The following ADK variants were observed in gnomAD, a reference collection of about 807,000 sequenced individuals.
ADK encodes the protein N6,N6-dimethyladenosine kinase.
A neutral mutation model predicts 44.7 loss-of-function variants in ADK; 24 were observed. That is an observed-to-expected ratio of 0.54 (90% CI 0.39 to 0.76). The LOEUF (loss-of-function observed/expected upper bound fraction) is 0.76. Among genes scored for constraint, ADK ranks in the 30% least tolerant of loss-of-function variants. The pLI, the probability that ADK is intolerant of heterozygous loss-of-function variation, is 0.00. For missense variants in ADK, 321 were observed against 425.1 expected (o/e 0.76, Z 2.15); for synonymous variants, 128 against 142.6 (o/e 0.90, Z 0.73).
intron 5 of ADK, 144 bp from the exon 6 acceptor site, chr10:74,398,327 T>A (rs1157500288): frequency 7.0e-6 from 3 of 426,564 alleles, no homozygotes; most frequent in African/African-American, 2.1e-5. Flanking sequence ...ATTATTTATA[T>A]TTATTTAAAA....
At chr10:74,178,804 A>G (rs1437214665) in intron 1 of ADK, among the ~76,000 whole-genome samples, 1 of 152,210 alleles carries the variant, frequency 6.6e-6, no homozygotes, top group Non-Finnish European at 1.5e-5. Flanking sequence ...ACATGGCTCG[A>G]GAAAGCTCTT....
intron 6 of ADK, among the ~76,000 whole-genome samples, chr10:74,503,919 T>C (rs1377704912): frequency 6.6e-6 from 1 of 152,168 alleles, no homozygotes; most frequent in Non-Finnish European, 1.5e-5. Context: ...TATAAAATCC[T>C]CTTACTTTGC....
rs1390456162 is a variant in ADK, at chr10:74,418,508, A to G, written c.555+19929A>G. ...GTGGCAGTCTGTTGCTAGGAAATCAAGGTCCTGAGGCGATTAATGACAAAG... is the reference window on the plus strand; with the variant it reads ...GTGGCAGTCTGTTGCTAGGAAATCAGGGTCCTGAGGCGATTAATGACAAAG... On this transcript the variant is annotated intron_variant, in intron 6 of 10. Coordinates refer to ENST00000539909, the MANE Select transcript of ADK (RefSeq NM_006721.4). Among the ~76,000 whole-genome samples the G allele has an allele frequency of 2.0e-5, 3 of 152,186 alleles. No homozygotes were observed. The East Asian group carries it at 5.8e-4, about 29-fold the overall frequency.
intron 7 of ADK, among the ~76,000 whole-genome samples, chr10:74,530,862 T>C (rs1849260762): frequency 6.6e-6 from 1 of 152,062 alleles, no homozygotes; most frequent in Non-Finnish European, 1.5e-5. Context: ...GAAGCAGAGG[T>C]TGCAGCGAGC....
chr10:74,695,057 A>G (rs1158391056), intron 10 of ADK, among the ~76,000 whole-genome samples: 2 of 152,084 alleles, frequency 1.3e-5, no homozygotes, highest in East Asian at 1.9e-4. Context: ...ATGAATTTGC[A>G]ATGGCAACTC....
intron 3 of ADK, among the ~76,000 whole-genome samples, chr10:74,248,914 A>T (rs986585922): frequency 5.9e-5 from 9 of 152,206 alleles, no homozygotes; most frequent in African/African-American, 1.9e-4. Context: ...AGAGAAAAGG[A>T]TGATAAACAT....
intron 9 of ADK, among the ~76,000 whole-genome samples, chr10:74,619,438 G>C (rs1023239783): frequency 2.7e-5 from 4 of 150,936 alleles, no homozygotes; most frequent in African/African-American, 7.3e-5. Context: ...CTGGGAGACA[G>C]AGCAAGTCTC....
At chr10:74,284,219 C>G (rs545688457) in intron 3 of ADK, among the ~76,000 whole-genome samples, 2 of 151,242 alleles carry the variant, frequency 1.3e-5, no homozygotes, top group Non-Finnish European at 2.9e-5. Flanking sequence ...CTTGGCCTCC[C>G]AAAGTGCTAG....
intron 9 of ADK, among the ~76,000 whole-genome samples, chr10:74,626,960 C>T (rs1223676415): frequency 6.6e-6 from 1 of 152,070 alleles, no homozygotes; most frequent in East Asian, 1.9e-4. Context: ...TTTTCTGTTT[C>T]TTGTAGTAAG....
intron 7 of ADK, among the ~76,000 whole-genome samples, chr10:74,529,662 G>T (rs1208818455): frequency 6.6e-6 from 1 of 152,020 alleles, no homozygotes; most frequent in Admixed American, 6.6e-5. Flanking sequence ...CTGCTACGTG[G>T]CTGTAAGTCA....
chr10:74,166,191 C>T (rs933088608), intron 1 of ADK, among the ~76,000 whole-genome samples: 6 of 152,226 alleles, frequency 3.9e-5, no homozygotes, highest in African/African-American at 9.7e-5. Flanking sequence ...CTGCCCGCCT[C>T]GGCCTCCCAA....
intron 6 of ADK, among the ~76,000 whole-genome samples, chr10:74,499,861 A>T (rs1278273062): frequency 6.6e-6 from 1 of 152,052 alleles, no homozygotes; most frequent in Non-Finnish European, 1.5e-5. Context: ...GTTTTCTCTG[A>T]TCATTTTTTT....
intron 3 of ADK, among the ~76,000 whole-genome samples, chr10:74,251,612 A>C (rs528956408): frequency 1.4e-4 from 22 of 152,334 alleles, no homozygotes; most frequent in Middle Eastern, 3.4e-3. Flanking sequence ...AGAAAAGGGA[A>C]GATAACTTGA....
At position 74,455,179 on chromosome 10, in the gene ADK, C is replaced by T. The variant is rs528399289; in HGVS notation, c.555+56600C>T. On this transcript the variant is annotated intron_variant, in intron 6 of 10. Transcript: ENST00000539909. Reference sequence around the variant, plus strand: ...TAAATTGTATGGAACAGTGCATGAACCACAATAAACACTCACAAAATGTTT... The same window carrying T: ...TAAATTGTATGGAACAGTGCATGAATCACAATAAACACTCACAAAATGTTT... Among the ~76,000 whole-genome samples, 4 of 152,016 alleles carry T rather than the reference C, an allele frequency of 2.6e-5. No homozygotes were observed. In the East Asian group the frequency reaches 7.7e-4, roughly 29 times the overall value.
intron 2 of ADK, among the ~76,000 whole-genome samples, chr10:74,215,464 C>A (rs1285451636): frequency 6.6e-6 from 1 of 151,524 alleles, no homozygotes; most frequent in African/African-American, 2.4e-5. Context: ...GCGCCTGCCA[C>A]CACGCCTGGC....
chr10:74,632,405 A>T (rs925154379), intron 9 of ADK, among the ~76,000 whole-genome samples: 9 of 152,314 alleles, frequency 5.9e-5, no homozygotes, highest in Middle Eastern at 3.4e-3. Flanking sequence ...ATTATTTCAC[A>T]GTTCTGAAGG....
At chr10:74,386,368 A>C (rs1323099038) in intron 4 of ADK, among the ~76,000 whole-genome samples, 1 of 152,198 alleles carries the variant, frequency 6.6e-6, no homozygotes, top group Non-Finnish European at 1.5e-5. Context: ...ATTATTTCAG[A>C]AGTGACTGCC....
At chr10:74,576,258 C>A (rs1398429724) in intron 7 of ADK, among the ~76,000 whole-genome samples, 2 of 152,078 alleles carry the variant, frequency 1.3e-5, no homozygotes, top group African/African-American at 4.8e-5. Flanking sequence ...AATTCAAATT[C>A]TAAAATATCG....
At chr10:74,364,760 A>G (rs1320381062) in intron 4 of ADK, among the ~76,000 whole-genome samples, 1 of 149,586 alleles carries the variant, frequency 6.7e-6, no homozygotes, top group African/African-American at 2.5e-5. Context: ...CCTCTTTCAA[A>G]TGAATTCCAA....
Sources: allele counts gnomAD v4.1 joint callset (sites outside exome capture counted in the v4.1 genomes callset), GRCh38; gene constraint gnomAD v4.1.1; transcripts MANE v1.5; gene names NCBI Gene and HGNC (gene_info 2026-07-23, HGNC 2026-07-21).